The following ARHGAP26 variants were observed in gnomAD, a reference collection of about 807,000 sequenced individuals.
ARHGAP26 encodes Rho GTPase activating protein 26, also known as rho GTPase-activating protein 26.
ARHGAP26 carries 38 observed loss-of-function variants against 104.8 expected under a neutral mutation model. The ratio of observed to expected loss-of-function variants is 0.36; its 90% CI spans 0.28 to 0.48. ARHGAP26 has a LOEUF of 0.48. ARHGAP26 is among the 20% of genes least tolerant of loss of function. The pLI, the probability that ARHGAP26 is intolerant of heterozygous loss-of-function variation, is 0.99. For missense variants in ARHGAP26, 704 were observed against 947.9 expected (o/e 0.74, Z 3.38); for synonymous variants, 341 against 340.0 (o/e 1.00, Z -0.03).
intron 14 of ARHGAP26, among the ~76,000 whole-genome samples, chr5:143,050,093 G>A (rs1310844209): frequency 6.6e-6 from 1 of 152,184 alleles, no homozygotes; most frequent in African/African-American, 2.4e-5. Context: ...CCCCTGGGTG[G>A]CTTGGGCTAT....
At chr5:142,888,259 C>T (rs1330483279) in intron 5 of ARHGAP26, among the ~76,000 whole-genome samples, 3 of 152,212 alleles carry the variant, frequency 2.0e-5, no homozygotes, top group Non-Finnish European at 2.9e-5. Context: ...GCAGCCCTTT[C>T]CCTTCACCCA....
chr5:142,771,042 C>A, intron 1 of ARHGAP26, 127 bp downstream of exon 1: 1 of 1,415,076 alleles, frequency 7.1e-7, no homozygotes, highest in Non-Finnish European at 9.3e-7. Context: ...CGGGTGTCGA[C>A]GCCTCCGAGG....
At chr5:143,098,748 C>T (rs1303434507) in intron 17 of ARHGAP26, among the ~76,000 whole-genome samples, 1 of 152,078 alleles carries the variant, frequency 6.6e-6, no homozygotes, top group African/African-American at 2.4e-5. Context: ...TTTCATCTTT[C>T]AAATTGGAGT....
intron 22 of ARHGAP26, among the ~76,000 whole-genome samples, chr5:143,219,275 G>T (rs1810824450): frequency 6.6e-6 from 1 of 152,172 alleles, no homozygotes; most frequent in African/African-American, 2.4e-5. Flanking sequence ...TACAAGCTGG[G>T]ATCCTGAGGA....
chr5:142,989,364 T>C (rs1359890647), intron 11 of ARHGAP26, among the ~76,000 whole-genome samples: 2 of 152,184 alleles, frequency 1.3e-5, no homozygotes, highest in Non-Finnish European at 1.5e-5. Flanking sequence ...CTCCATCCCT[T>C]TATTTTGAGC....
At chr5:143,162,284 T>TACACACACACACACACACACAC (rs34577770) in intron 20 of ARHGAP26, among the ~76,000 whole-genome samples, 9 of 147,438 alleles carry the variant, frequency 6.1e-5, no homozygotes, top group Non-Finnish European at 8.9e-5. Context: ...AACACACACA[T>TACACACACACACACACACACAC]ACACACACAC....
intron 11 of ARHGAP26, among the ~76,000 whole-genome samples, chr5:142,944,809 C>T (rs34070437): frequency 0.016 from 2,424 of 152,258 alleles, 68 homozygotes; most frequent in African/African-American, 0.052. Flanking sequence ...CATTGTTTTA[C>T]TCAGTTCTGC....
intron 11 of ARHGAP26, among the ~76,000 whole-genome samples, chr5:142,975,379 C>T (rs975843572): frequency 3.3e-5 from 5 of 152,014 alleles, no homozygotes; most frequent in Admixed American, 6.6e-5. Flanking sequence ...TCTTCCAGAG[C>T]TGCCCTGCTT....
intron 9 of ARHGAP26, among the ~76,000 whole-genome samples, chr5:142,911,676 T>C (rs1460354364): frequency 6.6e-6 from 1 of 152,236 alleles, no homozygotes; most frequent in African/African-American, 2.4e-5. Flanking sequence ...TCTTTCTGCA[T>C]GTATTTGGTG....
At chr5:142,928,086 TCTCA>T (rs755574216) in intron 10 of ARHGAP26, among the ~76,000 whole-genome samples, 33 of 152,230 alleles carry the variant, frequency 2.2e-4, no homozygotes, top group Non-Finnish European at 3.4e-4. Context: ...AGATATCTTC[TCTCA>T]CTCTGGTTTG....
At chr5:142,851,636 C>A (rs1485571940) in intron 1 of ARHGAP26, among the ~76,000 whole-genome samples, 1 of 152,174 alleles carries the variant, frequency 6.6e-6, no homozygotes, top group African/African-American at 2.4e-5. Flanking sequence ...GTCTCCCTGG[C>A]AGCTGTGCAG....
At chr5:142,919,191 AC>A (rs1176513757) in intron 10 of ARHGAP26, 5 of 398,474 alleles carry the variant, frequency 1.3e-5, no homozygotes, top group African/African-American at 1.0e-4. Flanking sequence ...ATGCGATATT[AC>A]CATTGTCCTT....
chr5:143,083,295 G>A (rs150649118), intron 17 of ARHGAP26, among the ~76,000 whole-genome samples: 67 of 152,196 alleles, frequency 4.4e-4, no homozygotes, highest in African/African-American at 1.5e-3. Flanking sequence ...CGCAGTAACC[G>A]GCCTAATGAT....
At chr5:143,053,678 G>C (rs928090658) in intron 14 of ARHGAP26, among the ~76,000 whole-genome samples, 2 of 152,218 alleles carry the variant, frequency 1.3e-5, no homozygotes, top group South Asian at 4.1e-4. Context: ...AATTGTCAGA[G>C]CTGATATGGT....
Position 142,932,107 on chromosome 5 carries a change from C to T in ARHGAP26, c.1089C>T (p.Ala363=). 6.2e-7 allele frequency: 1 copy of T among 1,614,036 alleles called. No individual in the cohort carries two copies. The highest frequency in any genetic ancestry group is 1.1e-5 in the South Asian group (1 of 91,078). Residue 363 remains alanine, a synonymous_variant, in exon 11 of 23, where the codon GCC becomes GCT. Transcript: ENST00000645722. ...SEEDRRLWME[A]MDGREPVYNS... ...AGGACCGGAGGCTCTGGATGGAAGC[C>T]ATGGATGGCCGGGAACCTGTAAGTA... is the stretch of plus-strand genomic sequence containing the variant.
chr5:143,144,749 A>G (rs1367388739), intron 19 of ARHGAP26, among the ~76,000 whole-genome samples: 2 of 152,150 alleles, frequency 1.3e-5, no homozygotes, highest in Non-Finnish European at 2.9e-5. Context: ...ATGCTGTAAA[A>G]TTTGTCTTGG....
chr5:142,857,337 G>A (rs1752528332), intron 1 of ARHGAP26, among the ~76,000 whole-genome samples: 2 of 152,332 alleles, frequency 1.3e-5, no homozygotes, highest in Admixed American at 6.5e-5. Flanking sequence ...CTTCCTCCAA[G>A]TCTTTTCATT....
chr5:143,116,769 G>GCC (rs1251759037), intron 17 of ARHGAP26, among the ~76,000 whole-genome samples: 4 of 152,172 alleles, frequency 2.6e-5, no homozygotes, highest in Non-Finnish European at 5.9e-5. Context: ...GTGGCAAGAG[G>GCC]CCCCTCTGCC....
intron 17 of ARHGAP26, among the ~76,000 whole-genome samples, chr5:143,080,976 A>G (rs928617744): frequency 2.0e-5 from 3 of 152,170 alleles, no homozygotes; most frequent in African/African-American, 7.2e-5. Flanking sequence ...GATAAGGCCA[A>G]CAGGATTAAC....
Sources: gnomAD v4.1 joint callset for allele counts (sites outside exome capture counted in the v4.1 genomes callset) on GRCh38, gnomAD v4.1.1 for gene constraint, MANE v1.5 for transcripts, NCBI Gene and HGNC (gene_info 2026-07-23, HGNC 2026-07-21) for gene names.